KANSL1L: variants seen among roughly 807,000 people sequenced by gnomAD.
The protein encoded by KANSL1L is KAT8 regulatory NSL complex subunit 1-like protein.
KANSL1L carries 25 observed loss-of-function variants against 108.6 expected under a neutral mutation model. The ratio of observed to expected loss-of-function variants is 0.23; its 90% CI spans 0.17 to 0.32. KANSL1L has a LOEUF of 0.32. Among genes scored for constraint, KANSL1L ranks in the 10% least tolerant of loss-of-function variants. The pLI is 1.00. For missense variants in KANSL1L, 1,137 were observed against 1,125.7 expected (o/e 1.01, Z -0.14); for synonymous variants, 405 against 395.1 (o/e 1.03, Z -0.30).
rs560180756 is a variant in KANSL1L, at chr2:210,106,151, G to T, written c.1231-1850C>A. On this transcript the variant is annotated intron_variant, in intron 3 of 14. Transcript: ENST00000281772. Reference sequence around the variant, plus strand: ...GTCTTATTAGAAAGTTTGAAGCAGGGAGAAGAGGAAATTTCAAACCTACTC... The same window carrying T: ...GTCTTATTAGAAAGTTTGAAGCAGGTAGAAGAGGAAATTTCAAACCTACTC... 2.8e-3 allele frequency among the ~76,000 whole-genome samples: 422 copies of T among 152,236 alleles called. 2 individuals are homozygous for T. The highest frequency in any genetic ancestry group is 9.8e-3 in the African/African-American group (408 of 41,540).
chr2:210,161,561 T>C (rs1393206135), intron 1 of KANSL1L, among the ~76,000 whole-genome samples: 1 of 152,198 alleles, frequency 6.6e-6, no homozygotes, highest in Admixed American at 6.5e-5. Flanking sequence ...TCACAAAAAG[T>C]TGCTAAATTG....
At chr2:210,109,136 TTCTC>T (rs1440906096) in intron 3 of KANSL1L, among the ~76,000 whole-genome samples, 2 of 152,140 alleles carry the variant, frequency 1.3e-5, no homozygotes, top group Non-Finnish European at 2.9e-5. Flanking sequence ...CCCATAAGTA[TTCTC>T]TCTATGGCCC....
At chr2:210,049,687 T>G (rs147607886) in intron 6 of KANSL1L, among the ~76,000 whole-genome samples, 1 of 152,318 alleles carries the variant, frequency 6.6e-6, no homozygotes, top group Non-Finnish European at 1.5e-5. Flanking sequence ...CTAGACATTA[T>G]AGTGTTTCTC....
intron 6 of KANSL1L, among the ~76,000 whole-genome samples, chr2:210,054,086 G>A (rs2094322689): frequency 6.6e-6 from 1 of 152,062 alleles, no homozygotes; most frequent in African/African-American, 2.4e-5. Flanking sequence ...GGAGGCCGAG[G>A]CCAGTGGATC....
At chr2:210,103,115 C>T (rs565651888) in intron 4 of KANSL1L, among the ~76,000 whole-genome samples, 30 of 152,258 alleles carry the variant, frequency 2.0e-4, no homozygotes, top group East Asian at 1.4e-3. Context: ...GACATATATA[C>T]ACCATGGAAT....
Position 210,075,616 on chromosome 2 carries a change from G to C in KANSL1L, c.1691C>G (p.Pro564Arg). The C allele has an allele frequency of 6.2e-7, 1 of 1,614,000 alleles. No individual in the cohort carries two copies. Among genetic ancestry groups the C allele is most frequent in the Admixed American group, 1.7e-5 (1 of 60,008 alleles). Reference sequence around the variant, plus strand: ...TTTTCGTTTGTGGAAACTCTGAAGTGGCCTTGTTCGGGCTGATGTACTCAT... The same window carrying C: ...TTTTCGTTTGTGGAAACTCTGAAGTCGCCTTGTTCGGGCTGATGTACTCAT... ...TFMSTSARTRPLQSFHKRKLY... is the reference protein window; with the variant it reads ...TFMSTSARTRRLQSFHKRKLY... Residue 564 changes from proline (P) to arginine (R), a missense_variant, in exon 6 of 15, where the codon CCA becomes CGA. Coordinates refer to ENST00000281772, the MANE Select transcript of KANSL1L (RefSeq NM_152519.4).
At chr2:210,119,891 A>T (rs2094997768) in intron 3 of KANSL1L, among the ~76,000 whole-genome samples, 1 of 152,178 alleles carries the variant, frequency 6.6e-6, no homozygotes, top group Admixed American at 6.5e-5. Flanking sequence ...AAGCAAAAAG[A>T]ACAAAGCAGA....
At chr2:210,042,174 A>C (rs2094172066) in intron 7 of KANSL1L, among the ~76,000 whole-genome samples, 1 of 152,182 alleles carries the variant, frequency 6.6e-6, no homozygotes, top group African/African-American at 2.4e-5. Context: ...TAATACCCGC[A>C]CGTGACCTGT....
At chr2:210,162,042 TG>T (rs926897049) in intron 1 of KANSL1L, among the ~76,000 whole-genome samples, 5 of 149,784 alleles carry the variant, frequency 3.3e-5, no homozygotes, top group African/African-American at 1.2e-4. Context: ...CTGCGTAATA[TG>T]GTGAGACCCT....
intron 6 of KANSL1L, among the ~76,000 whole-genome samples, chr2:210,050,384 A>T (rs1026519068): frequency 1.3e-5 from 2 of 152,200 alleles, no homozygotes; most frequent in Non-Finnish European, 2.9e-5. Context: ...CAGATTGGAT[A>T]AAAAAGCCAC....
At position 210,075,764 on chromosome 2, in the gene KANSL1L, G is replaced by A; in HGVS notation, c.1551-8C>T. On this transcript the variant is annotated splice_polypyrimidine_tract_variant and splice_region_variant and intron_variant, in intron 5 of 14. Coordinates refer to ENST00000281772, the MANE Select transcript of KANSL1L (RefSeq NM_152519.4). ...TCTAAATTCTCTGATGCACTGAAAT[G>A]CCATGAAATAATTAGGGCGTGGGAA... 6.2e-7 allele frequency: 1 copy of A among 1,605,250 alleles called. No homozygotes were observed. Among genetic ancestry groups the A allele is most frequent in the African/African-American group, 1.3e-5 (1 of 74,810 alleles).
chr2:210,089,263 T>C (rs1443421527), intron 5 of KANSL1L, among the ~76,000 whole-genome samples: 1 of 152,198 alleles, frequency 6.6e-6, no homozygotes, highest in Admixed American at 6.5e-5. Context: ...ATATAGTTTC[T>C]AGGGTAGGGT....
chr2:210,118,177 A>AG (rs1456946952), intron 3 of KANSL1L, among the ~76,000 whole-genome samples: 1 of 144,902 alleles, frequency 6.9e-6, no homozygotes, highest in Non-Finnish European at 1.5e-5. Flanking sequence ...AAAAAAAAAA[A>AG]AAAGGAGGGG....
intron 12 of KANSL1L, among the ~76,000 whole-genome samples, chr2:210,025,513 C>G (rs896055459): frequency 6.6e-6 from 1 of 152,156 alleles, no homozygotes; most frequent in Non-Finnish European, 1.5e-5. Context: ...CAAGATCGTG[C>G]CACTGCACTC....
chr2:210,044,765 A>G lies in KANSL1L; in HGVS notation c.1756-661T>C, dbSNP rs941351263. On this transcript the variant is annotated intron_variant, in intron 6 of 14. Coordinates refer to ENST00000281772, the MANE Select transcript of KANSL1L (RefSeq NM_152519.4). This position sits in a 1 kb window ranked among gnomAD's most constrained non-coding sequence, Gnocchi z 4.2. ...ATAAAGTGACAAATTGCATTAACAG[A>G]TTTTATTTTTTATTTTATTTTTTTG... Among the ~76,000 whole-genome samples, 1 of 151,830 alleles carries G rather than the reference A, an allele frequency of 6.6e-6. No homozygotes were observed. Among genetic ancestry groups the G allele is most frequent in the Non-Finnish European group, 1.5e-5 (1 of 67,928 alleles).
chr2:210,073,246 C>T (rs922893311), intron 6 of KANSL1L, among the ~76,000 whole-genome samples: 4 of 152,046 alleles, frequency 2.6e-5, no homozygotes, highest in African/African-American at 4.8e-5. Context: ...CAGAAATCCC[C>T]GATTCCTTTT....
At chr2:210,029,430 C>T (rs910845100) in intron 10 of KANSL1L, among the ~76,000 whole-genome samples, 1 of 151,958 alleles carries the variant, frequency 6.6e-6, no homozygotes, top group African/African-American at 2.4e-5. Context: ...ACCTTTTGAC[C>T]TCTCTATTCC....
chr2:210,143,402 A>C (rs1211028616), intron 2 of KANSL1L, among the ~76,000 whole-genome samples: 2 of 152,154 alleles, frequency 1.3e-5, no homozygotes, highest in Non-Finnish European at 2.9e-5. Flanking sequence ...CCATTCACTG[A>C]CTATATATGT....
At chr2:210,079,652 A>ATATATATATATGTATGTG (rs2094571481) in intron 5 of KANSL1L, among the ~76,000 whole-genome samples, 1 of 20,184 alleles carries the variant, frequency 5.0e-5, no homozygotes, top group Non-Finnish European at 9.5e-5. Context: ...ATATATATAT[A>ATATATATATATGTATGTG]TATATATATA....
Sources: gnomAD v4.1 joint callset for allele counts (sites outside exome capture counted in the v4.1 genomes callset) on GRCh38, gnomAD v4.1.1 for gene constraint, Gnocchi (gnomAD v3.1) non-coding constraint, MANE v1.5 for transcripts, NCBI Gene and HGNC (gene_info 2026-07-23, HGNC 2026-07-21) for gene names.